Variants in FRMD4A observed in about 807,000 individuals in gnomAD.
FRMD4A encodes the protein FERM domain-containing protein 4A.
A neutral mutation model predicts 129.1 loss-of-function variants in FRMD4A; 29 were observed. The observed-to-expected ratio is 0.22, with a 90% CI of 0.17 to 0.31. FRMD4A has a LOEUF of 0.31. Ranked by LOEUF, FRMD4A falls within the 10% of genes least tolerant of loss-of-function variation. The pLI is 1.00. For synonymous variants in FRMD4A, 634 were observed against 571.6 expected (o/e 1.11, Z -1.56); for missense variants, 1,272 against 1,375.8 (o/e 0.92, Z 1.19).
chr10:13,744,955 T>A (rs936255121), intron 9 of FRMD4A, among the ~76,000 whole-genome samples: 21 of 152,194 alleles, frequency 1.4e-4, no homozygotes, highest in Non-Finnish European at 2.6e-4. Flanking sequence ...TATATAGGGA[T>A]ATGAAAATAG....
intron 15 of FRMD4A, chr10:13,685,666 T>C (rs766333106): frequency 4.1e-6 from 4 of 983,034 alleles, no homozygotes; most frequent in African/African-American, 1.7e-5. Context: ...TATCTCTTTT[T>C]AGTATTTAAA....
intron 2 of FRMD4A, among the ~76,000 whole-genome samples, chr10:13,862,153 T>A (rs2094303478): frequency 6.6e-6 from 1 of 152,114 alleles, no homozygotes; most frequent in African/African-American, 2.4e-5. Context: ...AGGGGAGAGT[T>A]TTAAGAAAGA....
In FRMD4A at chr10:14,318,975, G is replaced by A. The variant is rs72780847; in HGVS notation, c.45+11083C>T. 5.6e-3 allele frequency among the ~76,000 whole-genome samples: 859 copies of A among 152,270 alleles called. 19 individuals carry two copies. In the East Asian group the frequency reaches 0.06, roughly 11 times the overall value. On this transcript the variant is annotated intron_variant, in intron 2 of 24. Coordinates refer to ENST00000357447, the MANE Select transcript of FRMD4A (RefSeq NM_018027.5). ...CTGGCTAGCTCAGATACTCAGTTTT[G>A]GAGCCTGGGTCACTCTGCAAATCCA...
intron 2 of FRMD4A, among the ~76,000 whole-genome samples, chr10:13,887,675 C>A (rs1881593): frequency 1 from 151,698 of 152,344 alleles, 75,532 homozygotes; most frequent in Middle Eastern, 1. Flanking sequence ...AAAACAAAAC[C>A]AAAACAAAAA....
chr10:14,132,609 C>A (rs1468369736), intron 2 of FRMD4A, among the ~76,000 whole-genome samples: 1 of 152,196 alleles, frequency 6.6e-6, no homozygotes, highest in African/African-American at 2.4e-5. Flanking sequence ...GACAGTAGAT[C>A]TGGAGTATTC....
intron 2 of FRMD4A, among the ~76,000 whole-genome samples, chr10:14,179,233 A>T (rs540769930): frequency 6.6e-6 from 1 of 152,270 alleles, no homozygotes; most frequent in East Asian, 1.9e-4. Context: ...AGGTTTTATT[A>T]TCTGGGATTG....
chr10:13,952,342 T>A (rs558382322), intron 2 of FRMD4A, among the ~76,000 whole-genome samples: 5 of 151,652 alleles, frequency 3.3e-5, no homozygotes, highest in East Asian at 1.9e-4. Flanking sequence ...TACAAAAAAA[T>A]TTTTAAAAAG....
At chr10:14,203,097 G>T (rs1842686271) in intron 2 of FRMD4A, among the ~76,000 whole-genome samples, 1 of 152,116 alleles carries the variant, frequency 6.6e-6, no homozygotes, top group Admixed American at 6.6e-5. Context: ...TTAGACTCAA[G>T]TTTATGTCTG....
rs995457231 is a variant in FRMD4A at position 13,796,552 on chromosome 10, T to A, written c.243A>T (p.Val81=). 1 of 1,603,722 alleles carries A rather than the reference T, an allele frequency of 6.2e-7. No homozygotes were observed. Among genetic ancestry groups the A allele is most frequent in the Non-Finnish European group, 8.5e-7 (1 of 1,170,560 alleles). The change falls in exon 5 of 25, where the codon GTA becomes GTT. Residue 81 remains valine (V), a synonymous_variant. Coordinates refer to ENST00000357447, the MANE Select transcript of FRMD4A (RefSeq NM_018027.5). ...ACTTTTTAGGGAAGTCATGTTCCAA[T>A]ACTCTTCGATCTAGCTGAAGCCAGT... ...HLNWLQLDRR[V]LEHDFPKKSG... is the part of the protein sequence containing the mutation.
intron 2 of FRMD4A, among the ~76,000 whole-genome samples, chr10:14,252,469 T>C (rs1442830683): frequency 1.3e-5 from 2 of 152,224 alleles, no homozygotes; most frequent in African/African-American, 4.8e-5. Context: ...TACTTTATGA[T>C]ATTGATATTT....
intron 2 of FRMD4A, among the ~76,000 whole-genome samples, chr10:14,204,165 T>C (rs918008610): frequency 3.3e-5 from 5 of 152,194 alleles, no homozygotes; most frequent in Non-Finnish European, 5.9e-5. Context: ...GGCTCATGCC[T>C]GTAATCCTGA....
intron 5 of FRMD4A, among the ~76,000 whole-genome samples, chr10:13,793,801 C>A (rs2093054764): frequency 6.6e-6 from 1 of 152,140 alleles, no homozygotes; most frequent in South Asian, 2.1e-4. Flanking sequence ...CATCCCTAGG[C>A]AGATGTCAGG....
At chr10:14,045,969 C>G (rs998918061) in intron 2 of FRMD4A, among the ~76,000 whole-genome samples, 35 of 148,192 alleles carry the variant, frequency 2.4e-4, no homozygotes, top group African/African-American at 7.6e-4. Flanking sequence ...TCATATTATT[C>G]AATACATACA....
At chr10:13,896,566 G>A (rs989093776) in intron 2 of FRMD4A, among the ~76,000 whole-genome samples, 1 of 152,044 alleles carries the variant, frequency 6.6e-6, no homozygotes, top group Non-Finnish European at 1.5e-5. Context: ...GATACCTAAT[G>A]CATGTGGGGC....
intron 2 of FRMD4A, among the ~76,000 whole-genome samples, chr10:13,944,934 G>C (rs1326613269): frequency 6.6e-6 from 1 of 152,160 alleles, no homozygotes; most frequent in Admixed American, 6.5e-5. Flanking sequence ...CCTCTTCATG[G>C]GGAGTTCAGT....
At chr10:13,716,301 C>G (rs982345617) in intron 12 of FRMD4A, among the ~76,000 whole-genome samples, 2 of 152,108 alleles carry the variant, frequency 1.3e-5, no homozygotes, top group African/African-American at 4.8e-5. Context: ...AACATTCACC[C>G]TGCGAAAAAA....
At chr10:13,931,951 A>AAACAAACC (rs1554974880) in intron 2 of FRMD4A, among the ~76,000 whole-genome samples, 42 of 111,464 alleles carry the variant, frequency 3.8e-4, no homozygotes, top group Middle Eastern at 0.01. Context: ...TCTGTCTCAA[A>AAACAAACC]AACCAACCAA....
chr10:14,174,449 C>T (rs1446542331), intron 2 of FRMD4A, among the ~76,000 whole-genome samples: 1 of 152,180 alleles, frequency 6.6e-6, no homozygotes, highest in Non-Finnish European at 1.5e-5. Context: ...GGGCAGGAGG[C>T]GAGGGGGGCT....
At chr10:13,904,692 T>C (rs970258576) in intron 2 of FRMD4A, among the ~76,000 whole-genome samples, 1 of 152,186 alleles carries the variant, frequency 6.6e-6, no homozygotes, top group Non-Finnish European at 1.5e-5. Flanking sequence ...TCCATCCTGC[T>C]AATAAAAAGC....
Sources: allele counts gnomAD v4.1 joint callset (sites outside exome capture counted in the v4.1 genomes callset), GRCh38; gene constraint gnomAD v4.1.1; transcripts MANE v1.5; gene names NCBI Gene and HGNC (gene_info 2026-07-23, HGNC 2026-07-21).